Variants in NKAIN3 observed in about 807,000 individuals in gnomAD.
The protein encoded by NKAIN3 is sodium/potassium transporting ATPase interacting 3.
In NKAIN3, 25 loss-of-function variants were observed where a neutral mutation model predicts 30.2. The observed-to-expected ratio is 0.83, with a 90% CI of 0.60 to 1.16. The LOEUF is 1.16. Among genes scored for constraint, NKAIN3 ranks in the 50% most tolerant of loss-of-function variants. NKAIN3 has a pLI of 0.00. For synonymous variants in NKAIN3, 91 were observed against 89.6 expected (o/e 1.02, Z -0.09); for missense variants, 225 against 254.1 (o/e 0.89, Z 0.78).
intron 4 of NKAIN3, among the ~76,000 whole-genome samples, chr8:62,902,925 A>G (rs1159915477): frequency 2.0e-5 from 3 of 152,238 alleles, no homozygotes; most frequent in Admixed American, 1.3e-4. Flanking sequence ...ATCTTAGAAC[A>G]AGGTTCTTTG....
At chr8:62,615,479 G>A (rs539046637) in intron 3 of NKAIN3, among the ~76,000 whole-genome samples, 7 of 152,132 alleles carry the variant, frequency 4.6e-5, no homozygotes, top group Admixed American at 3.3e-4. Flanking sequence ...TGCCCTAGCT[G>A]GTGTCTCAGT....
intron 1 of NKAIN3, among the ~76,000 whole-genome samples, chr8:62,291,211 C>T (rs1009605592): frequency 6.1e-4 from 93 of 151,948 alleles, no homozygotes; most frequent in African/African-American, 2.0e-3. Flanking sequence ...ATGGATTTTT[C>T]GAAGGGTTTT....
chr8:62,320,217 TA>T (rs1477436701), intron 1 of NKAIN3, among the ~76,000 whole-genome samples: 1 of 152,308 alleles, frequency 6.6e-6, no homozygotes, highest in African/African-American at 2.4e-5. Context: ...ATTTTGAGCC[TA>T]CGTGTGTCTC....
chr8:62,481,710 C>A (rs939996367), intron 1 of NKAIN3, among the ~76,000 whole-genome samples: 4 of 152,208 alleles, frequency 2.6e-5, no homozygotes, highest in African/African-American at 9.7e-5. Flanking sequence ...ATTTCCCCTT[C>A]TCTTTATGAC....
chr8:62,345,488 TATAC>T lies in NKAIN3; in HGVS notation c.54+96363_54+96366del, dbSNP rs1303368994. ...ACACATATATACACATATATGTATA[TATAC>T]ACACATATATACACATATATACACA... is the stretch of plus-strand genomic sequence containing the variant. On this transcript the variant is annotated intron_variant, in intron 1 of 6. Transcript: ENST00000623646. Among the ~76,000 whole-genome samples the T allele has an allele frequency of 2.6e-3, 33 of 12,768 alleles. 1 individual carries two copies. The highest frequency in any genetic ancestry group is 5.4e-3 in the African/African-American group (32 of 5,976). The allele number at this position is 12,768 out of a possible 152,430, so 8.4% of individuals were successfully genotyped here.
chr8:62,772,254 G>C (rs1817039306), intron 4 of NKAIN3, among the ~76,000 whole-genome samples: 2 of 152,120 alleles, frequency 1.3e-5, no homozygotes, highest in Admixed American at 1.3e-4. Context: ...ACTTTTTATA[G>C]CTGAATAGTA....
At chr8:62,350,569 T>A (rs12547931) in intron 1 of NKAIN3, among the ~76,000 whole-genome samples, 13,758 of 152,232 alleles carry the variant, frequency 0.09, 840 homozygotes, top group African/African-American at 0.16. Context: ...AATGTGAATG[T>A]ACTTAATGGC....
chr8:62,808,957 T>C (rs553310037), intron 4 of NKAIN3, among the ~76,000 whole-genome samples: 1 of 152,118 alleles, frequency 6.6e-6, no homozygotes, highest in South Asian at 2.1e-4. Flanking sequence ...ATCCCTTATC[T>C]GCAACTGTAT....
chr8:62,616,998 G>A (rs929587549), intron 3 of NKAIN3, among the ~76,000 whole-genome samples: 4 of 152,198 alleles, frequency 2.6e-5, no homozygotes, highest in Non-Finnish European at 4.4e-5. Context: ...TGATTTATTG[G>A]GAGATCTGGT....
intron 4 of NKAIN3, among the ~76,000 whole-genome samples, chr8:62,817,661 C>T (rs1818725662): frequency 6.6e-6 from 1 of 152,116 alleles, no homozygotes; most frequent in Admixed American, 6.5e-5. Context: ...CTGAGAGCAT[C>T]TTGTGAAGTC....
At position 62,976,717 on chromosome 8, in the gene NKAIN3, C is replaced by T. The variant is rs1375743198; in HGVS notation, c.*11310C>T. On this transcript the variant is annotated 3_prime_UTR_variant, in exon 7 of 7. Transcript: ENST00000623646. ...AATATTGTTATGTGTGAATTTGATTCTGTCATTATGATGATAGCTGGTTAT... is the reference window on the plus strand; with the variant it reads ...AATATTGTTATGTGTGAATTTGATTTTGTCATTATGATGATAGCTGGTTAT... 3.3e-5 allele frequency among the ~76,000 whole-genome samples: 5 copies of T among 152,148 alleles called. No individual in the cohort carries two copies. Among genetic ancestry groups the T allele is most frequent in the African/African-American group, 1.2e-4 (5 of 41,408 alleles).
At chr8:62,910,030 T>G (rs1455349087) in intron 4 of NKAIN3, among the ~76,000 whole-genome samples, 1 of 152,178 alleles carries the variant, frequency 6.6e-6, no homozygotes, top group Non-Finnish European at 1.5e-5. Flanking sequence ...TGTGCATTCC[T>G]ACATTTATCA....
intron 5 of NKAIN3, among the ~76,000 whole-genome samples, chr8:62,936,583 T>C (rs553881763): frequency 1.3e-5 from 2 of 152,238 alleles, no homozygotes; most frequent in South Asian, 4.2e-4. Flanking sequence ...TTTTTAATAA[T>C]AAAAATGAAA....
intron 1 of NKAIN3, among the ~76,000 whole-genome samples, chr8:62,505,210 T>A (rs1807592896): frequency 6.6e-6 from 1 of 152,200 alleles, no homozygotes; most frequent in Non-Finnish European, 1.5e-5. Context: ...CATTTATCAG[T>A]TAAGATTTGG....
intron 5 of NKAIN3, among the ~76,000 whole-genome samples, chr8:62,946,493 C>A (rs1266397693): frequency 1.3e-5 from 2 of 152,168 alleles, no homozygotes; most frequent in African/African-American, 4.8e-5. Flanking sequence ...CCAGCTACCT[C>A]TGAAATAACT....
intron 5 of NKAIN3, among the ~76,000 whole-genome samples, chr8:62,947,303 G>A (rs551701882): frequency 5.1e-4 from 77 of 152,174 alleles, no homozygotes; most frequent in Admixed American, 2.6e-3. Flanking sequence ...TAGGACTTCC[G>A]CACTCCCGTG....
chr8:62,543,747 T>A (rs1011709754), intron 1 of NKAIN3, among the ~76,000 whole-genome samples: 34 of 152,228 alleles, frequency 2.2e-4, no homozygotes, highest in Admixed American at 1.7e-3. Flanking sequence ...ACTGAAAATC[T>A]CAGATTGATT....
intron 1 of NKAIN3, among the ~76,000 whole-genome samples, chr8:62,357,106 A>AC (rs1816385341): frequency 6.7e-6 from 1 of 148,684 alleles, no homozygotes; most frequent in Admixed American, 6.7e-5. Flanking sequence ...TATCTCAAAA[A>AC]TAAAAAACAA....
chr8:62,609,112 T>G (rs1021047900), intron 3 of NKAIN3, among the ~76,000 whole-genome samples: 19 of 152,262 alleles, frequency 1.2e-4, no homozygotes, highest in African/African-American at 4.6e-4. Context: ...CTATAATGAT[T>G]TCGACTTGAT....
Sources: allele counts gnomAD v4.1 joint callset (sites outside exome capture counted in the v4.1 genomes callset), GRCh38; gene constraint gnomAD v4.1.1; transcripts MANE v1.5; gene names NCBI Gene and HGNC (gene_info 2026-07-23, HGNC 2026-07-21).